Variants in OPRM1 observed in about 807,000 individuals in gnomAD.
The protein encoded by OPRM1 is opioid receptor mu 1.
Under a neutral mutation model 31.8 loss-of-function variants are expected in OPRM1, and 27 were observed. The ratio of observed to expected loss-of-function variants is 0.85; its 90% CI spans 0.63 to 1.17. The LOEUF is 1.17. Among genes scored for constraint, OPRM1 ranks in the 50% most tolerant of loss-of-function variants. OPRM1 has a pLI of 0.00. For missense variants in OPRM1, 536 were observed against 511.1 expected (o/e 1.05, Z -0.47); for synonymous variants, 196 against 189.9 (o/e 1.03, Z -0.26).
At chr6:154,010,567 T>G in exon 1 of OPRM1, 6 of 1,545,486 alleles carry the variant, frequency 3.9e-6, no homozygotes, top group Non-Finnish European at 5.3e-6. Flanking sequence ...CAGGTTCATT[T>G]GGAAGAAAAT....
At chr6:154,110,841 C>G (rs1307344287) in intron 3 of OPRM1, among the ~76,000 whole-genome samples, 3 of 137,846 alleles carry the variant, frequency 2.2e-5, no homozygotes, top group East Asian at 4.6e-4. Flanking sequence ...GAGCAGAGAT[C>G]GCGCCACTGC....
intron 1 of OPRM1, among the ~76,000 whole-genome samples, chr6:154,022,968 T>C (rs1303715652): frequency 1.3e-5 from 2 of 152,050 alleles, no homozygotes; most frequent in Non-Finnish European, 2.9e-5. Context: ...GTAGTACAAT[T>C]TGAAGTCAGG....
At chr6:154,077,960 A>G (rs1788250691) in intron 1 of OPRM1, among the ~76,000 whole-genome samples, 1 of 152,082 alleles carries the variant, frequency 6.6e-6, no homozygotes, top group African/African-American at 2.4e-5. Context: ...GTATTTTGCC[A>G]AAGGCAGTGA....
intron 3 of OPRM1, among the ~76,000 whole-genome samples, chr6:154,195,139 TTTTC>T (rs1277433797): frequency 2.1e-5 from 3 of 140,102 alleles, no homozygotes; most frequent in African/African-American, 5.5e-5. Flanking sequence ...ATAATTTTTC[TTTTC>T]TTTCTTTTTT....
At chr6:154,046,038 G>C (rs1001957853) in intron 1 of OPRM1, among the ~76,000 whole-genome samples, 6 of 152,124 alleles carry the variant, frequency 3.9e-5, no homozygotes, top group African/African-American at 1.4e-4. Context: ...CTTCACACAA[G>C]GTCGTATCTC....
chr6:154,103,827 T>C (rs548304394), intron 3 of OPRM1, among the ~76,000 whole-genome samples: 2 of 152,318 alleles, frequency 1.3e-5, no homozygotes, highest in South Asian at 4.1e-4. Context: ...GTTGCCATTT[T>C]GGTTTTCATG....
chr6:154,059,950 A>T (rs1212002740), intron 1 of OPRM1, among the ~76,000 whole-genome samples: 3 of 152,198 alleles, frequency 2.0e-5, no homozygotes, highest in African/African-American at 7.2e-5. Context: ...TTCCAAGGTT[A>T]TTTTCTACAT....
At chr6:154,240,990 CA>C (rs1379164931) in intron 3 of OPRM1, among the ~76,000 whole-genome samples, 13 of 152,062 alleles carry the variant, frequency 8.5e-5, no homozygotes, top group Non-Finnish European at 1.0e-4. Context: ...GTAATCCCAG[CA>C]CTTTGGGAGA....
rs377246806 is a variant in OPRM1 at position 154,218,728 on chromosome 6, T to C, written c.1165-27965T>C. Among the ~76,000 whole-genome samples the C allele has an allele frequency of 9.2e-5, 14 of 152,342 alleles. No individual in the cohort carries two copies. In the East Asian group the frequency reaches 2.3e-3, roughly 25 times the overall value. ...TTAGAATAATGAAACTCTATAATGA[T>C]ATTATAAACATGAGAAGTTATTATA... is the stretch of plus-strand genomic sequence containing the variant. On this transcript the variant is annotated intron_variant, in intron 3 of 3. Transcript: ENST00000337049.
At chr6:154,040,975 T>A (rs1034339602) in intron 1 of OPRM1, among the ~76,000 whole-genome samples, 2 of 152,206 alleles carry the variant, frequency 1.3e-5, no homozygotes, top group Non-Finnish European at 1.5e-5. Flanking sequence ...CGAGGGTTTT[T>A]TTTTTTAACC....
chr6:154,159,990 C>A, intron 3 of OPRM1: 3 of 1,612,698 alleles, frequency 1.9e-6, no homozygotes, highest in Non-Finnish European at 2.5e-6. Flanking sequence ...TGGCTGTCAG[C>A]TTCGGGTCAT....
intron 3 of OPRM1, among the ~76,000 whole-genome samples, chr6:154,208,437 C>G (rs1777684857): frequency 6.6e-6 from 1 of 152,186 alleles, no homozygotes; most frequent in Non-Finnish European, 1.5e-5. Context: ...CCAATCTCTA[C>G]CCCATCACAT....
chr6:154,023,988 G>T (rs1778537837), intron 1 of OPRM1, among the ~76,000 whole-genome samples: 1 of 152,002 alleles, frequency 6.6e-6, no homozygotes, highest in Non-Finnish European at 1.5e-5. Context: ...CAGAGGTCTT[G>T]GCCTATAGTT....
chr6:154,235,897 G>T (rs1226250536), intron 3 of OPRM1, among the ~76,000 whole-genome samples: 1 of 152,194 alleles, frequency 6.6e-6, no homozygotes, highest in South Asian at 2.1e-4. Context: ...TTAATTAAGT[G>T]ACAAGCACTG....
intron 3 of OPRM1, among the ~76,000 whole-genome samples, chr6:154,243,686 ATT>A (rs1562563259): frequency 1.3e-5 from 2 of 152,184 alleles, no homozygotes; most frequent in African/African-American, 4.8e-5. Context: ...GGTGGTCTTA[ATT>A]GTGTCATGTA....
At position 154,122,156 on chromosome 6, in the gene OPRM1, C is replaced by T. The variant is rs950284631; in HGVS notation, c.*3435C>T. ...TTTTTCAGCTTCTTAACTGGCCACA[C>T]ACACACAAGTTGTGTTTGTACAATT... On this transcript the variant is annotated 3_prime_UTR_variant, in exon 4 of 4. Coordinates refer to ENST00000330432, the MANE Select transcript of OPRM1 (RefSeq NM_000914.5). Among the ~76,000 whole-genome samples, 2 of 152,186 alleles carry T rather than the reference C, an allele frequency of 1.3e-5. No individual in the cohort carries two copies. Among genetic ancestry groups the T allele is most frequent in the Admixed American group, 6.6e-5 (1 of 15,266 alleles).
intron 3 of OPRM1, among the ~76,000 whole-genome samples, chr6:154,172,037 C>T (rs995041372): frequency 6.6e-6 from 1 of 152,132 alleles, no homozygotes; most frequent in African/African-American, 2.4e-5. Context: ...TCTGTGTTCA[C>T]CAAGTAGCTA....
chr6:154,072,130 A>T (rs1310394015), intron 1 of OPRM1, among the ~76,000 whole-genome samples: 1 of 152,200 alleles, frequency 6.6e-6, no homozygotes, highest in Non-Finnish European at 1.5e-5. Context: ...CAACGTGGGA[A>T]TGGTAAGATA....
chr6:154,228,846 C>G (rs1222238375), intron 3 of OPRM1, among the ~76,000 whole-genome samples: 1 of 152,186 alleles, frequency 6.6e-6, no homozygotes, highest in Non-Finnish European at 1.5e-5. Flanking sequence ...TGAGATGGTG[C>G]CACTTGCACT....
Sources: gnomAD v4.1 joint callset for allele counts (sites outside exome capture counted in the v4.1 genomes callset) on GRCh38, gnomAD v4.1.1 for gene constraint, MANE v1.5 for transcripts, NCBI Gene and HGNC (gene_info 2026-07-23, HGNC 2026-07-21) for gene names.